The following CFAP77 variants were observed in gnomAD, a reference collection of about 807,000 sequenced individuals.
The protein encoded by CFAP77 is cilia- and flagella-associated protein 77.
CFAP77 carries 25 observed loss-of-function variants against 31.1 expected under a neutral mutation model. The observed-to-expected ratio is 0.80, with a 90% confidence interval of 0.59 to 1.12. The LOEUF is 1.12. CFAP77 is among the 50% of genes most tolerant of loss of function. The pLI is 0.00. For synonymous variants in CFAP77, 151 were observed against 159.9 expected, an observed-to-expected ratio of 0.94 and a Z score of 0.42; for missense variants, 377 against 397.3, an observed-to-expected ratio of 0.95 and a Z score of 0.44.
chr9:132,415,825 T>C (rs1850086356), intron 1 of CFAP77, among the ~76,000 whole-genome samples: 1 of 152,256 alleles, frequency 6.6e-6, no homozygotes, highest in South Asian at 2.1e-4. Flanking sequence ...CAAACTGTTC[T>C]GTGGTCTTCA....
intron 1 of CFAP77, among the ~76,000 whole-genome samples, chr9:132,452,724 C>T (rs992375422): frequency 6.6e-6 from 1 of 152,036 alleles, no homozygotes; most frequent in African/African-American, 2.4e-5. Flanking sequence ...GAAGAGGTGC[C>T]CGAGAGTGTG....
chr9:132,417,275 C>T (rs1389171710), intron 1 of CFAP77, among the ~76,000 whole-genome samples: 1 of 151,886 alleles, frequency 6.6e-6, no homozygotes, highest in Admixed American at 6.6e-5. Context: ...CCACCATGCC[C>T]AGCTAATTTT....
chr9:132,479,672 T>A (rs1166128324), intron 1 of CFAP77, among the ~76,000 whole-genome samples: 1 of 152,188 alleles, frequency 6.6e-6, no homozygotes, highest in Non-Finnish European at 1.5e-5. Context: ...CCATCCTGGT[T>A]GAAAGCGTGT....
rs189923963 is a variant in CFAP77, at chr9:132,521,017, A to T, written c.525-16584A>T. On this transcript the variant is annotated intron_variant, in intron 3 of 5. Transcript: ENST00000393216. ...ACACAGTCCTGAAGATTCATAAGGA[A>T]CAGGTCTGAGAGCAGCAGATCTCCC... 2.6e-3 allele frequency among the ~76,000 whole-genome samples: 401 copies of T among 152,368 alleles called. 4 individuals are homozygous for T. Among genetic ancestry groups the T allele is most frequent in the South Asian group, 0.018 (88 of 4,830 alleles).
At chr9:132,510,883 A>G (rs1852024549) in intron 3 of CFAP77, among the ~76,000 whole-genome samples, 1 of 152,164 alleles carries the variant, frequency 6.6e-6, no homozygotes, top group Non-Finnish European at 1.5e-5. Flanking sequence ...AGAGATCCCC[A>G]GACGGGCCCT....
At chr9:132,533,998 A>G (rs1230969229) in intron 3 of CFAP77, among the ~76,000 whole-genome samples, 1 of 152,234 alleles carries the variant, frequency 6.6e-6, no homozygotes, top group Admixed American at 6.5e-5. Context: ...GCAGTCCAGC[A>G]TCCCTCCTAG....
chr9:132,513,427 C>G (rs1852076180), intron 3 of CFAP77: 1 of 1,443,938 alleles, frequency 6.9e-7, no homozygotes, highest in African/African-American at 1.4e-5. Flanking sequence ...CTGTGCACAC[C>G]TTCCTAGCCT....
chr9:132,559,631 A>G (rs2119097412), intron 5 of CFAP77, among the ~76,000 whole-genome samples: 1 of 152,322 alleles, frequency 6.6e-6, no homozygotes, highest in Non-Finnish European at 1.5e-5. Flanking sequence ...AGTTCTCCAA[A>G]AGGCTAAACA....
At chr9:132,453,703 C>T (rs1351689051) in intron 1 of CFAP77, among the ~76,000 whole-genome samples, 1 of 152,172 alleles carries the variant, frequency 6.6e-6, no homozygotes, top group African/African-American at 2.4e-5. Context: ...TAATGAACCC[C>T]AACCCTGTAT....
At chr9:132,489,405 G>A (rs1398912064) in intron 1 of CFAP77, among the ~76,000 whole-genome samples, 1 of 152,138 alleles carries the variant, frequency 6.6e-6, no homozygotes, top group Non-Finnish European at 1.5e-5. Flanking sequence ...TCCAGGAGAG[G>A]TGAGTTTAAC....
chr9:132,489,544 G>A (rs1428523829), intron 1 of CFAP77, among the ~76,000 whole-genome samples: 2 of 152,234 alleles, frequency 1.3e-5, no homozygotes, highest in Admixed American at 1.3e-4. Context: ...GCACATAGTA[G>A]GCGCTCAATA....
At chr9:132,479,036 C>G (rs1282426408) in intron 1 of CFAP77, among the ~76,000 whole-genome samples, 1 of 152,158 alleles carries the variant, frequency 6.6e-6, no homozygotes, top group African/African-American at 2.4e-5. Context: ...TGGATCAAGA[C>G]CATCGCTGGA....
At position 132,549,559 on chromosome 9, in the gene CFAP77, C is replaced by T. The variant is rs186971964; in HGVS notation, c.732+6512C>T. ...ACAGGGATGAAAGCAGGAGCTTGGC[C>T]GGGCACAGTGGCTCATGCCTGCAAT... On this transcript the variant is annotated intron_variant, in intron 5 of 5. Coordinates refer to ENST00000393216, the MANE Select transcript of CFAP77 (RefSeq NM_001282957.2). Among the ~76,000 whole-genome samples, 113 of 152,254 alleles carry T rather than the reference C, an allele frequency of 7.4e-4. 1 individual carries two copies. In the East Asian group the frequency reaches 0.019, roughly 25 times the overall value.
At chr9:132,438,534 TATATATA>T (rs1367180296) in intron 1 of CFAP77, among the ~76,000 whole-genome samples, 1,198 of 118,306 alleles carry the variant, frequency 0.01, 25 homozygotes, top group African/African-American at 0.044. Context: ...TATATATATA[TATATATA>T]TTTTTTTTTT....
chr9:132,438,542 T>TATA lies in CFAP77; in HGVS notation c.195+28076_195+28077insATA, dbSNP rs1491134869. ...TGGTATATATATATATATATATATATTTTTTTTTTTTTTTTTAGACAGGGT... is the reference window on the plus strand; with the variant it reads ...TGGTATATATATATATATATATATATATATTTTTTTTTTTTTTTTAGACAGGGT... On this transcript the variant is annotated intron_variant, in intron 1 of 5. Transcript: ENST00000393216. Among the ~76,000 whole-genome samples, 779 of 81,740 alleles carry TATA rather than the reference T, an allele frequency of 9.5e-3. 8 individuals carry two copies. The highest frequency in any genetic ancestry group is 0.036 in the African/African-American group (693 of 19,026). 53.6% of individuals were successfully genotyped at this position (81,740 alleles called of 152,430 possible).
intron 3 of CFAP77, among the ~76,000 whole-genome samples, chr9:132,515,785 A>G (rs553554700): frequency 6.6e-6 from 1 of 152,260 alleles, no homozygotes; most frequent in Admixed American, 6.5e-5. Flanking sequence ...TCCCATTTCC[A>G]TGGTGAGGAA....
intron 1 of CFAP77, among the ~76,000 whole-genome samples, chr9:132,457,066 C>T (rs180963891): frequency 1.2e-4 from 19 of 152,232 alleles, no homozygotes; most frequent in African/African-American, 4.6e-4. Flanking sequence ...CATGACTGGC[C>T]CCTACTGGGA....
At chr9:132,568,143 C>T (rs56266038) in intron 5 of CFAP77, among the ~76,000 whole-genome samples, 1 of 152,078 alleles carries the variant, frequency 6.6e-6, no homozygotes, top group Non-Finnish European at 1.5e-5. Flanking sequence ...CAGAGAGAAG[C>T]AAGGTGGCTG....
At chr9:132,512,046 C>T (rs1320009151) in intron 3 of CFAP77, among the ~76,000 whole-genome samples, 1 of 151,564 alleles carries the variant, frequency 6.6e-6, no homozygotes, top group Non-Finnish European at 1.5e-5. Context: ...AAAAGCAAAA[C>T]TCTGTTTAAA....
Sources: gnomAD v4.1 joint callset for allele counts (sites outside exome capture counted in the v4.1 genomes callset) on GRCh38, gnomAD v4.1.1 for gene constraint, MANE v1.5 for transcripts, NCBI Gene and HGNC (gene_info 2026-07-23, HGNC 2026-07-21) for gene names.